Variants in TLK1 observed in about 807,000 individuals in gnomAD.
TLK1 encodes the protein serine/threonine-protein kinase tousled-like 1.
In TLK1, 24 loss-of-function variants were observed where a neutral mutation model predicts 105.3. That is an observed-to-expected ratio of 0.23 (90% CI 0.17 to 0.32). The LOEUF is 0.32. Ranked by LOEUF, TLK1 falls within the 10% of genes least tolerant of loss-of-function variation. The pLI, the probability that TLK1 is intolerant of heterozygous loss-of-function variation, is 1.00. For synonymous variants in TLK1, 321 were observed against 310.4 expected (o/e 1.03, Z -0.36); for missense variants, 558 against 910.5 (o/e 0.61, Z 4.98).
intron 1 of TLK1, among the ~76,000 whole-genome samples, chr2:171,165,920 A>G (rs79082355): frequency 0.033 from 5,041 of 152,218 alleles, 288 homozygotes; most frequent in African/African-American, 0.11. Context: ...CAAAAAAAAG[A>G]AATGAGTCCG....
intron 2 of TLK1, among the ~76,000 whole-genome samples, chr2:171,100,071 A>G (rs1478196170): frequency 6.6e-6 from 1 of 152,180 alleles, no homozygotes; most frequent in African/African-American, 2.4e-5. Flanking sequence ...TTAAGAAATA[A>G]CCCAATTTTA....
intron 1 of TLK1, among the ~76,000 whole-genome samples, chr2:171,187,731 G>A (rs1693062190): frequency 6.6e-6 from 1 of 152,154 alleles, no homozygotes; most frequent in Admixed American, 6.6e-5. Context: ...GCCTGCGTCT[G>A]CTAGAATGTC....
At chr2:171,019,149 C>T (rs997190844) in intron 12 of TLK1, among the ~76,000 whole-genome samples, 1 of 152,124 alleles carries the variant, frequency 6.6e-6, no homozygotes, top group African/African-American at 2.4e-5. Context: ...ATAACTCCCA[C>T]AGCAACTTCA....
intron 1 of TLK1, among the ~76,000 whole-genome samples, chr2:171,179,250 T>C (rs1249631172): frequency 1.3e-5 from 2 of 152,238 alleles, no homozygotes; most frequent in African/African-American, 4.8e-5. Context: ...TATTCTAAAT[T>C]ACAGGGCACC....
At chr2:171,180,243 G>A (rs1351453725) in intron 1 of TLK1, among the ~76,000 whole-genome samples, 2 of 151,482 alleles carry the variant, frequency 1.3e-5, no homozygotes, top group Non-Finnish European at 1.5e-5. Context: ...ATTGCCCCCC[G>A]GGTCCCTGCG....
intron 1 of TLK1, among the ~76,000 whole-genome samples, chr2:171,208,481 GTTCTC>G (rs988648441): frequency 6.6e-6 from 1 of 152,096 alleles, no homozygotes; most frequent in Non-Finnish European, 1.5e-5. Flanking sequence ...AGAGTGGAGA[GTTCTC>G]CTCTCCGTGC....
chr2:171,076,202 A>G (rs1437335214), intron 3 of TLK1, among the ~76,000 whole-genome samples: 1 of 148,506 alleles, frequency 6.7e-6, no homozygotes, highest in Admixed American at 6.7e-5. Flanking sequence ...TGAGCAACAG[A>G]GCAAAACTCC....
Position 171,053,821 on chromosome 2 carries a change from T to A in TLK1, c.672A>T (p.Leu224Phe). The A allele has an allele frequency of 6.2e-7, 1 of 1,610,352 alleles. No individual in the cohort carries two copies. The highest frequency in any genetic ancestry group is 8.5e-7 in the Non-Finnish European group (1 of 1,178,212). Residue 224 changes from leucine (L) to phenylalanine (F), a missense_variant, in exon 8 of 21, where the codon TTA becomes TTT. Transcript: ENST00000431350. ...CCAGGTCCTGGATTTTATTACTTTC[T>A]AATGCTGCTAATTTCAGCATTGTGA... ...TDLTMLKLAA[L>F]ESNKIQDLEK... is the part of the protein sequence containing the mutation.
At chr2:171,214,566 TGTTAATCATTG>T (rs928691984) in intron 1 of TLK1, among the ~76,000 whole-genome samples, 1 of 152,166 alleles carries the variant, frequency 6.6e-6, no homozygotes, top group African/African-American at 2.4e-5. Context: ...CTTGAGGGCT[TGTTAATCATTG>T]GTTGCCAGGC....
intron 11 of TLK1, among the ~76,000 whole-genome samples, chr2:171,042,845 A>T (rs1490648828): frequency 6.6e-6 from 1 of 152,218 alleles, no homozygotes; most frequent in Non-Finnish European, 1.5e-5. Flanking sequence ...AAGAAAGCAC[A>T]GTCCATTTAG....
intron 14 of TLK1, 115 bp downstream of exon 14, chr2:171,011,258 C>T: frequency 2.4e-6 from 2 of 836,572 alleles, no homozygotes; most frequent in East Asian, 3.0e-5. Context: ...TCTCCCAAAG[C>T]CCTGGGGTTA....
At chr2:171,017,802 A>G (rs1685280513) in intron 12 of TLK1, among the ~76,000 whole-genome samples, 2 of 152,212 alleles carry the variant, frequency 1.3e-5, no homozygotes. Flanking sequence ...AGAAAAAAAG[A>G]TGGATTCTGG....
intron 1 of TLK1, among the ~76,000 whole-genome samples, chr2:171,228,256 T>C (rs1178962844): frequency 6.6e-6 from 1 of 152,208 alleles, no homozygotes; most frequent in Non-Finnish European, 1.5e-5. Context: ...ATTTTGTAGA[T>C]GTTACTGTAT....
At chr2:170,995,580 T>C (rs1333448517) in intron 20 of TLK1, among the ~76,000 whole-genome samples, 2 of 152,202 alleles carry the variant, frequency 1.3e-5, no homozygotes, top group Non-Finnish European at 2.9e-5. Flanking sequence ...TTAATTTCTG[T>C]TCTCAATGAG....
Position 171,160,502 on chromosome 2 carries a change from T to C in TLK1, c.-74A>G. 2.6e-6 allele frequency: 4 copies of C among 1,565,724 alleles called. No homozygotes were observed. ...GCAACGGCACCGGCACCCGCCTCCG[T>C]CATGGCGGGGGCCGCGCTGAGGGCG... On this transcript the variant is annotated 5_prime_UTR_variant, in exon 1 of 21. Coordinates refer to ENST00000431350, the MANE Select transcript of TLK1 (RefSeq NM_012290.5). The surrounding 1 kb of genome is among the most constrained non-coding windows in gnomAD (Gnocchi z 4.4).
chr2:171,072,212 T>C (rs190676336), intron 3 of TLK1, among the ~76,000 whole-genome samples: 34 of 152,378 alleles, frequency 2.2e-4, no homozygotes, highest in African/African-American at 8.2e-4. Context: ...AAAGTATTGA[T>C]GCTTCCATTC....
chr2:171,118,485 C>T (rs1398437820), intron 1 of TLK1, among the ~76,000 whole-genome samples: 1 of 152,022 alleles, frequency 6.6e-6, no homozygotes. Flanking sequence ...TTTTAAGTTT[C>T]CATCAGGTAA....
intron 20 of TLK1, 88 bp downstream of exon 20, chr2:170,996,565 T>G: frequency 9.3e-7 from 1 of 1,075,188 alleles, no homozygotes; most frequent in South Asian, 1.5e-5. Flanking sequence ...TCTTGTGACT[T>G]TACTTACTGG....
At chr2:170,997,938 C>A in intron 18 of TLK1, 115 bp from the exon 19 acceptor site, 1 of 542,160 alleles carries the variant, frequency 1.8e-6, no homozygotes, top group South Asian at 3.7e-5. Context: ...CTAGGACTCC[C>A]ATCAGTGAAA....
Sources: gnomAD v4.1 joint callset for allele counts (sites outside exome capture counted in the v4.1 genomes callset) on GRCh38, gnomAD v4.1.1 for gene constraint, Gnocchi (gnomAD v3.1) non-coding constraint, MANE v1.5 for transcripts, NCBI Gene and HGNC (gene_info 2026-07-23, HGNC 2026-07-21) for gene names.